BBX: variants seen among roughly 807,000 people sequenced by gnomAD.
BBX encodes the protein HMG box transcription factor BBX.
BBX carries 30 observed loss-of-function variants against 100.2 expected under a neutral mutation model. The observed-to-expected ratio is 0.30, with a 90% CI of 0.22 to 0.41. The LOEUF (loss-of-function observed/expected upper bound fraction) is 0.41, where lower values mean the gene tolerates loss of function less well. Ranked by LOEUF, BBX falls within the 10% of genes least tolerant of loss-of-function variation. The pLI is 1.00. For missense variants in BBX, 1,023 were observed against 1,129.8 expected, an observed-to-expected ratio of 0.91 and a Z score of 1.35; for synonymous variants, 376 against 388.1, an observed-to-expected ratio of 0.97 and a Z score of 0.37.
Position 107,716,821 on chromosome 3 carries a change from A to G in BBX, c.377A>G (p.Lys126Arg), listed in dbSNP as rs1443089812. The G allele has an allele frequency of 6.2e-7, 1 of 1,613,496 alleles. No homozygotes were observed. The highest frequency in any genetic ancestry group is 8.5e-7 in the Non-Finnish European group (1 of 1,179,616). ...TGGGCTGTTCTTGATCCAAAGGAAAAGCAGAAATACACAGACATGGCCAAG... is the reference window on the plus strand; with the variant it reads ...TGGGCTGTTCTTGATCCAAAGGAAAGGCAGAAATACACAGACATGGCCAAG... The part of the protein sequence containing the change: ...DWWAVLDPKE[K>R]QKYTDMAKEY... The change falls in exon 5 of 18, where the codon AAG becomes AGG. Residue 126 changes from lysine (K) to arginine (R), a missense_variant. Lys to Arg is a conservative substitution (Grantham distance 26, BLOSUM62 2). Around this residue, in one of 9 missense-constraint regions of BBX, gnomAD observed 229 missense variants for 226.3 expected, o/e 1.01. Coordinates refer to ENST00000325805, the MANE Select transcript of BBX (RefSeq NM_001142568.3).
At chr3:107,666,303 C>A (rs752813653) in intron 3 of BBX, among the ~76,000 whole-genome samples, 2 of 152,158 alleles carry the variant, frequency 1.3e-5, no homozygotes, top group Non-Finnish European at 2.9e-5. Context: ...CTTTATTCAG[C>A]GATACAGAAT....
chr3:107,605,789 C>T (rs2054391782), intron 2 of BBX, among the ~76,000 whole-genome samples: 1 of 152,134 alleles, frequency 6.6e-6, no homozygotes, highest in Non-Finnish European at 1.5e-5. Context: ...AGTGCTTAGC[C>T]AGGGTACTTA....
At chr3:107,799,596 C>G (rs57578969) in intron 16 of BBX, among the ~76,000 whole-genome samples, 6,569 of 151,890 alleles carry the variant, frequency 0.043, 431 homozygotes, top group African/African-American at 0.15. Context: ...GTCTGCTGTT[C>G]GGGTCACTAC....
intron 3 of BBX, among the ~76,000 whole-genome samples, chr3:107,655,817 C>T (rs1023160097): frequency 3.3e-5 from 5 of 151,984 alleles, no homozygotes; most frequent in African/African-American, 1.2e-4. Context: ...TCTCCTGCCT[C>T]AGCCTCCCAA....
intron 2 of BBX, among the ~76,000 whole-genome samples, chr3:107,582,309 A>G (rs541825765): frequency 6.6e-6 from 1 of 151,710 alleles, no homozygotes; most frequent in East Asian, 1.9e-4. Context: ...TTTTAAACAC[A>G]TTTTTGTTTT....
intron 3 of BBX, among the ~76,000 whole-genome samples, chr3:107,698,376 G>C (rs192786098): frequency 8.6e-5 from 13 of 151,830 alleles, no homozygotes; most frequent in African/African-American, 2.9e-4. Context: ...AGCTAGGCCA[G>C]ATGCGGTGGT....
chr3:107,785,594 A>G (rs925102059), intron 13 of BBX, among the ~76,000 whole-genome samples: 1 of 152,016 alleles, frequency 6.6e-6, no homozygotes, highest in Non-Finnish European at 1.5e-5. Flanking sequence ...GATCATCCCA[A>G]TAGATCTAGG....
intron 3 of BBX, among the ~76,000 whole-genome samples, chr3:107,701,337 G>T (rs1158712831): frequency 6.6e-6 from 1 of 152,138 alleles, no homozygotes; most frequent in African/African-American, 2.4e-5. Context: ...TGGCAGAGTG[G>T]CCTTGGGCAT....
chr3:107,716,447 T>C, intron 4 of BBX, 160 bp from the exon 5 acceptor site: 2 of 844,718 alleles, frequency 2.4e-6, no homozygotes, highest in East Asian at 5.4e-5. Context: ...TTACCAACCA[T>C]GAACAGTGGT....
At chr3:107,728,058 ATGT>A (rs1431961680) in intron 5 of BBX, among the ~76,000 whole-genome samples, 1 of 152,154 alleles carries the variant, frequency 6.6e-6, no homozygotes, top group Non-Finnish European at 1.5e-5. Context: ...AAGGAGAAAG[ATGT>A]TGTCAGTGAA....
intron 2 of BBX, among the ~76,000 whole-genome samples, chr3:107,534,314 A>G (rs545123357): frequency 6.6e-6 from 1 of 152,346 alleles, no homozygotes; most frequent in South Asian, 2.1e-4. Context: ...ACCCAAGTGT[A>G]GAGTTCTCAT....
intron 2 of BBX, among the ~76,000 whole-genome samples, chr3:107,607,327 C>T (rs1335882702): frequency 6.6e-6 from 1 of 152,054 alleles, no homozygotes; most frequent in African/African-American, 2.4e-5. Flanking sequence ...GTGATCCACC[C>T]GCCTCGGCCT....
At chr3:107,671,680 G>A (rs1164019500) in intron 3 of BBX, among the ~76,000 whole-genome samples, 1 of 152,070 alleles carries the variant, frequency 6.6e-6, no homozygotes, top group Non-Finnish European at 1.5e-5. Context: ...ATTGAGCGCT[G>A]CAGAATAAAA....
intron 2 of BBX, among the ~76,000 whole-genome samples, chr3:107,577,328 A>G (rs2051867236): frequency 6.6e-6 from 1 of 152,084 alleles, no homozygotes; most frequent in Non-Finnish European, 1.5e-5. Flanking sequence ...TCACAATATG[A>G]TTCACCCAGC....
intron 2 of BBX, among the ~76,000 whole-genome samples, chr3:107,580,247 A>G (rs939587071): frequency 1.3e-5 from 2 of 152,124 alleles, no homozygotes; most frequent in Admixed American, 1.3e-4. Context: ...TCATGAAAAA[A>G]TAGTTTCACT....
At chr3:107,765,090 G>T (rs148557127) in intron 10 of BBX, among the ~76,000 whole-genome samples, 2 of 152,162 alleles carry the variant, frequency 1.3e-5, no homozygotes, top group Admixed American at 1.3e-4. Context: ...ACCCTAAAAT[G>T]AACACTTAGA....
chr3:107,584,777 C>T (rs1051149060), intron 2 of BBX, among the ~76,000 whole-genome samples: 12 of 142,610 alleles, frequency 8.4e-5, no homozygotes, highest in Non-Finnish European at 1.8e-4. Context: ...TTGCAACCTC[C>T]GCCTTCCGGG....
intron 10 of BBX, among the ~76,000 whole-genome samples, chr3:107,768,555 AC>A (rs766072246): frequency 4.6e-5 from 7 of 152,216 alleles, no homozygotes; most frequent in Non-Finnish European, 7.3e-5. Context: ...TGTATAATAC[AC>A]AGATGGAAGA....
chr3:107,791,360 T>C, intron 15 of BBX, 61 bp downstream of exon 15: 4 of 1,431,782 alleles, frequency 2.8e-6, no homozygotes, highest in South Asian at 1.2e-5. Flanking sequence ...ATAAGTTGTA[T>C]AGGTTTTTAA....
Sources: allele counts gnomAD v4.1 joint callset (sites outside exome capture counted in the v4.1 genomes callset), GRCh38; gene constraint gnomAD v4.1.1; regional missense constraint gnomAD v4.1.1; transcripts MANE v1.5; gene names NCBI Gene and HGNC (gene_info 2026-07-23, HGNC 2026-07-21).